Variants in SUGT1 observed in about 807,000 individuals in gnomAD.
SUGT1 encodes protein SGT1 homolog.
In SUGT1, 15 loss-of-function variants were observed where a neutral mutation model predicts 56.1. That is an observed-to-expected ratio of 0.27 (90% CI 0.18 to 0.41). SUGT1 has a LOEUF of 0.41. Ranked by LOEUF, SUGT1 falls within the 10% of genes least tolerant of loss-of-function variation. The pLI, the probability that SUGT1 is intolerant of heterozygous loss-of-function variation, is 1.00. For synonymous variants in SUGT1, 123 were observed against 128.6 expected, an observed-to-expected ratio of 0.96 and a Z score of 0.30; for missense variants, 347 against 382.2, an observed-to-expected ratio of 0.91 and a Z score of 0.77.
At chr13:52,661,248 G>A (rs1723877434) in intron 5 of SUGT1, among the ~76,000 whole-genome samples, 1 of 152,068 alleles carries the variant, frequency 6.6e-6, no homozygotes, top group Admixed American at 6.6e-5. Context: ...AAATAAATTT[G>A]TCTTTAAATC....
chr13:52,658,256 T>G (rs1368695680), intron 3 of SUGT1, 143 bp from the exon 4 acceptor site: 1 of 1,522,660 alleles, frequency 6.6e-7, no homozygotes, highest in East Asian at 2.5e-5. Flanking sequence ...TTGAATTCTA[T>G]CTTGTATTAG....
intron 2 of SUGT1, among the ~76,000 whole-genome samples, chr13:52,654,357 T>A (rs1422867446): frequency 6.6e-6 from 1 of 152,250 alleles, no homozygotes; most frequent in African/African-American, 2.4e-5. Flanking sequence ...GACCTAGTGC[T>A]TCCTTTGGGA....
At chr13:52,655,084 G>T (rs921557579) in intron 2 of SUGT1, among the ~76,000 whole-genome samples, 7 of 152,198 alleles carry the variant, frequency 4.6e-5, no homozygotes, top group African/African-American at 1.4e-4. Context: ...GGTGGCTCAC[G>T]CCTATAGTCC....
At chr13:52,679,293 GCT>G (rs1329782116) in intron 11 of SUGT1, among the ~76,000 whole-genome samples, 3 of 152,180 alleles carry the variant, frequency 2.0e-5, no homozygotes, top group Admixed American at 6.5e-5. Context: ...GCTGCAAGCA[GCT>G]CTGTTTACTC....
intron 10 of SUGT1, among the ~76,000 whole-genome samples, chr13:52,670,621 A>G (rs1962892543): frequency 6.6e-6 from 1 of 152,214 alleles, no homozygotes; most frequent in African/African-American, 2.4e-5. Context: ...AGCCTGGTCA[A>G]CTTGGTGAAA....
chr13:52,662,087 C>T (rs1188375330), intron 5 of SUGT1, among the ~76,000 whole-genome samples: 3 of 152,164 alleles, frequency 2.0e-5, no homozygotes, highest in African/African-American at 2.4e-5. Context: ...TATAGCCTCT[C>T]GACTGCCATG....
At chr13:52,659,814 A>ATATT (rs1555271105) in intron 5 of SUGT1, among the ~76,000 whole-genome samples, 4 of 58,726 alleles carry the variant, frequency 6.8e-5, no homozygotes, top group African/African-American at 3.0e-4. Flanking sequence ...ATATATATAT[A>ATATT]TTTTTTTTTT....
At chr13:52,658,334 A>G (rs763816094) in intron 3 of SUGT1, 65 bp from the exon 4 acceptor site, 3 of 1,596,246 alleles carry the variant, frequency 1.9e-6, no homozygotes, top group South Asian at 1.1e-5. Flanking sequence ...AAACTGATTC[A>G]TATGTTGTGT....
In SUGT1 at chr13:52,691,988, T is replaced by C. The variant is rs1963791726; in HGVS notation, c.*4153T>C. The C allele has an allele frequency of 6.6e-6, 1 of 152,238 alleles. No individual in the cohort carries two copies. Among genetic ancestry groups the C allele is most frequent in the African/African-American group, 2.4e-5 (1 of 41,468 alleles). 9.4% of individuals were successfully genotyped at this position (152,238 alleles called of 1,614,324 possible). ...TTTGGAGCCATCCTTGTGATTGGTT[T>C]CTGAGATTAATTTAACTCTTAGCCT... On this transcript the variant is annotated 3_prime_UTR_variant, in exon 13 of 13. Transcript: ENST00000310528.
At chr13:52,683,669 T>C (rs1347256518) in intron 12 of SUGT1, among the ~76,000 whole-genome samples, 2 of 152,220 alleles carry the variant, frequency 1.3e-5, no homozygotes, top group Admixed American at 1.3e-4. Flanking sequence ...GTGTTAACTT[T>C]TCTTAAGTAT....
rs1374507947 is a variant in SUGT1, at chr13:52,698,707, A to T, written c.*10872A>T. 1 of 152,270 alleles carries T rather than the reference A, an allele frequency of 6.6e-6. No individual in the cohort carries two copies. Among genetic ancestry groups the T allele is most frequent in the Non-Finnish European group, 1.5e-5 (1 of 68,220 alleles). 9.4% of individuals were successfully genotyped at this position (152,270 alleles called of 1,614,324 possible). ...TGCCTTGGCTTCCCAAAGTGCTGGG[A>T]TTACAGGCGTGAGCCACCATGCTTA... On this transcript the variant is annotated 3_prime_UTR_variant, in exon 13 of 13. Coordinates refer to ENST00000310528, the MANE Select transcript of SUGT1 (RefSeq NM_006704.5).
At chr13:52,653,782 T>C (rs1416304797) in intron 2 of SUGT1, among the ~76,000 whole-genome samples, 3 of 152,212 alleles carry the variant, frequency 2.0e-5, no homozygotes, top group African/African-American at 7.2e-5. Context: ...TAAAGATAAA[T>C]GATGCTGCGG....
In SUGT1 at chr13:52,692,927, T is replaced by C. The variant is rs1233661091; in HGVS notation, c.*5092T>C. 1 of 152,224 alleles carries C rather than the reference T, an allele frequency of 6.6e-6. No homozygotes were observed. Among genetic ancestry groups the C allele is most frequent in the Admixed American group, 6.5e-5 (1 of 15,274 alleles). 9.4% of individuals were successfully genotyped at this position (152,224 alleles called of 1,614,324 possible). ...ACTGTTGCATGTGTAAGAAGACTGG[T>C]ACATGATGCCAATGAAATTCTTTTT... On this transcript the variant is annotated 3_prime_UTR_variant, in exon 13 of 13. Coordinates refer to ENST00000310528, the MANE Select transcript of SUGT1 (RefSeq NM_006704.5).
chr13:52,674,764 T>C (rs1259927796), intron 10 of SUGT1, among the ~76,000 whole-genome samples: 1 of 152,256 alleles, frequency 6.6e-6, no homozygotes, highest in Admixed American at 6.5e-5. Flanking sequence ...TAAACTGTTT[T>C]ATATAATGTT....
intron 4 of SUGT1, among the ~76,000 whole-genome samples, chr13:52,658,778 ATT>A (rs1962287654): frequency 7.1e-6 from 1 of 140,006 alleles, no homozygotes; most frequent in South Asian, 2.3e-4. Context: ...AATTTACTAT[ATT>A]TAATTGACTG....
chr13:52,662,549 GCC>G, intron 5 of SUGT1, 98 bp from the exon 6 acceptor site: 30 of 1,229,204 alleles, frequency 2.4e-5, no homozygotes, highest in South Asian at 1.5e-4. Context: ...ACTCCCCAGT[GCC>G]TAGAACACTG....
intron 12 of SUGT1, among the ~76,000 whole-genome samples, chr13:52,681,537 G>A (rs1288531980): frequency 6.6e-6 from 1 of 151,866 alleles, no homozygotes; most frequent in African/African-American, 2.4e-5. Flanking sequence ...GAAACATTTT[G>A]TCAAAACTAT....
intron 12 of SUGT1, among the ~76,000 whole-genome samples, chr13:52,684,767 G>T (rs906436462): frequency 1.3e-5 from 2 of 151,676 alleles, no homozygotes; most frequent in Non-Finnish European, 2.9e-5. Flanking sequence ...AACTCAAGCA[G>T]TCCTCCCATG....
intron 11 of SUGT1, among the ~76,000 whole-genome samples, chr13:52,678,873 G>A (rs1390000276): frequency 1.3e-5 from 2 of 151,336 alleles, no homozygotes; most frequent in African/African-American, 4.9e-5. Flanking sequence ...CATAGAGATG[G>A]GCTCTCACTA....
Sources: gnomAD v4.1 joint callset for allele counts (sites outside exome capture counted in the v4.1 genomes callset) on GRCh38, gnomAD v4.1.1 for gene constraint, MANE v1.5 for transcripts, NCBI Gene and HGNC (gene_info 2026-07-23, HGNC 2026-07-21) for gene names.